The following LDLRAD4 variants were observed in gnomAD, a reference collection of about 807,000 sequenced individuals.
LDLRAD4 encodes the protein low density lipoprotein receptor class A domain containing 4, also known as low-density lipoprotein receptor class A domain-containing protein 4.
A neutral mutation model predicts 17.0 loss-of-function variants in LDLRAD4; 5 were observed. The ratio of observed to expected loss-of-function variants is 0.29; its 90% CI spans 0.15 to 0.62. LDLRAD4 has a LOEUF of 0.62. Among genes scored for constraint, LDLRAD4 ranks in the 20% least tolerant of loss-of-function variants. The pLI is 0.84. For synonymous variants in LDLRAD4, 168 were observed against 171.8 expected, an observed-to-expected ratio of 0.98 and a Z score of 0.17; for missense variants, 340 against 424.7, an observed-to-expected ratio of 0.80 and a Z score of 1.75.
chr18:13,286,464 C>T (rs1041656980), intron 1 of LDLRAD4, among the ~76,000 whole-genome samples: 1 of 152,356 alleles, frequency 6.6e-6, no homozygotes, highest in Admixed American at 6.5e-5. Context: ...CCTCAACTTA[C>T]TGGTTCAAGC....
At chr18:13,263,678 G>A (rs192507943) in intron 1 of LDLRAD4, among the ~76,000 whole-genome samples, 13 of 152,292 alleles carry the variant, frequency 8.5e-5, no homozygotes, top group South Asian at 8.3e-4. Context: ...GTTGGTAATC[G>A]TATTACCCAC....
At chr18:13,309,010 G>A (rs2047073955) in intron 1 of LDLRAD4, among the ~76,000 whole-genome samples, 1 of 152,162 alleles carries the variant, frequency 6.6e-6, no homozygotes, top group African/African-American at 2.4e-5. Flanking sequence ...CTGTCTTCTT[G>A]ACTTTATTTA....
chr18:13,620,705 T>C (rs1241267289), intron 3 of LDLRAD4, among the ~76,000 whole-genome samples: 1 of 152,252 alleles, frequency 6.6e-6, no homozygotes, highest in Non-Finnish European at 1.5e-5. Context: ...CTAACTCACC[T>C]GCAGAGCCAC....
At chr18:13,296,855 A>T (rs2146502564) in intron 1 of LDLRAD4, among the ~76,000 whole-genome samples, 1 of 152,268 alleles carries the variant, frequency 6.6e-6, no homozygotes, top group Admixed American at 6.5e-5. Context: ...GCTTTCCACA[A>T]GGTCATGACC....
chr18:13,313,773 C>A (rs1189072965), intron 1 of LDLRAD4, among the ~76,000 whole-genome samples: 2 of 152,164 alleles, frequency 1.3e-5, no homozygotes, highest in Non-Finnish European at 2.9e-5. Context: ...TTCCCTACAC[C>A]TGCAAAACAT....
At chr18:13,536,091 A>G (rs1002160319) in intron 3 of LDLRAD4, among the ~76,000 whole-genome samples, 11 of 152,082 alleles carry the variant, frequency 7.2e-5, no homozygotes, top group African/African-American at 2.7e-4. Context: ...AAGTTCTCCA[A>G]CCTTATCCCT....
chr18:13,409,316 GTGGGGGCCCCCT>G (rs2088097702), intron 2 of LDLRAD4, among the ~76,000 whole-genome samples: 1 of 152,204 alleles, frequency 6.6e-6, no homozygotes, highest in South Asian at 2.1e-4. Flanking sequence ...GGGGAGATGT[GTGGGGGCCCCCT>G]TGGGGATCCT....
At chr18:13,408,864 C>T (rs1446078909) in intron 2 of LDLRAD4, among the ~76,000 whole-genome samples, 1 of 151,830 alleles carries the variant, frequency 6.6e-6, no homozygotes, top group Non-Finnish European at 1.5e-5. Flanking sequence ...TTTCTTCCTT[C>T]TTTTTTTGCT....
intron 3 of LDLRAD4, among the ~76,000 whole-genome samples, chr18:13,465,894 C>T (rs2092600236): frequency 6.6e-6 from 1 of 152,150 alleles, no homozygotes; most frequent in South Asian, 2.1e-4. Context: ...ATACTCTCTC[C>T]CCCTTTTTTG....
chr18:13,635,821 A>T (rs2042024065), intron 4 of LDLRAD4, among the ~76,000 whole-genome samples: 1 of 152,240 alleles, frequency 6.6e-6, no homozygotes, highest in Non-Finnish European at 1.5e-5. Flanking sequence ...CTGGGCAGCC[A>T]TGCTCTCCGG....
At chr18:13,474,626 G>A (rs1184751435) in intron 3 of LDLRAD4, among the ~76,000 whole-genome samples, 2 of 152,224 alleles carry the variant, frequency 1.3e-5, no homozygotes, top group African/African-American at 4.8e-5. Flanking sequence ...GAACTGGGAT[G>A]GAAGTGAAGC....
At chr18:13,642,890 G>GT (rs1182322098) in intron 4 of LDLRAD4, 14 of 463,946 alleles carry the variant, frequency 3.0e-5, no homozygotes, top group Middle Eastern at 5.7e-4. Flanking sequence ...CTCGCTCCAC[G>GT]TTTTTTGTTT....
At chr18:13,354,390 G>C (rs2083217036) in intron 1 of LDLRAD4, among the ~76,000 whole-genome samples, 1 of 152,158 alleles carries the variant, frequency 6.6e-6, no homozygotes, top group African/African-American at 2.4e-5. Flanking sequence ...CTTTGAAATG[G>C]TAAGATTTTG....
At chr18:13,316,877 A>G (rs1347498549) in intron 1 of LDLRAD4, among the ~76,000 whole-genome samples, 1 of 152,228 alleles carries the variant, frequency 6.6e-6, no homozygotes, top group South Asian at 2.1e-4. Context: ...TACAAACCAA[A>G]CAGATGGGAT....
At chr18:13,373,711 T>C (rs1250834634) in intron 1 of LDLRAD4, among the ~76,000 whole-genome samples, 1 of 152,252 alleles carries the variant, frequency 6.6e-6, no homozygotes, top group Non-Finnish European at 1.5e-5. Flanking sequence ...TGCTTTTGAA[T>C]AGTACCTGGC....
At chr18:13,247,425 A>G (rs1367464640) in intron 1 of LDLRAD4, among the ~76,000 whole-genome samples, 2 of 152,238 alleles carry the variant, frequency 1.3e-5, no homozygotes, top group African/African-American at 4.8e-5. Flanking sequence ...TGTTCTACCA[A>G]CTAATGTCCT....
intron 1 of LDLRAD4, among the ~76,000 whole-genome samples, chr18:13,292,985 C>T (rs1475514453): frequency 6.6e-6 from 1 of 152,258 alleles, no homozygotes; most frequent in Non-Finnish European, 1.5e-5. Context: ...GCCCTGGAGG[C>T]AGGCGAGCTT....
At chr18:13,641,764 C>T in intron 4 of LDLRAD4, 3 of 985,518 alleles carry the variant, frequency 3.0e-6, no homozygotes, top group Non-Finnish European at 3.6e-6. Flanking sequence ...GAGGGCCGGG[C>T]CTCGGGGGCG....
intron 1 of LDLRAD4, among the ~76,000 whole-genome samples, chr18:13,263,368 G>C (rs572020346): frequency 6.6e-6 from 1 of 152,146 alleles, no homozygotes; most frequent in Non-Finnish European, 1.5e-5. Flanking sequence ...CATCCTGTGC[G>C]ACTCTATGTG....
Sources: allele counts gnomAD v4.1 joint callset (sites outside exome capture counted in the v4.1 genomes callset), GRCh38; gene constraint gnomAD v4.1.1; transcripts MANE v1.5; gene names NCBI Gene and HGNC (gene_info 2026-07-23, HGNC 2026-07-21).